The following FXYD2 variants were observed in gnomAD, a reference collection of about 807,000 sequenced individuals.
FXYD2 encodes the protein sodium/potassium-transporting ATPase subunit gamma.
In FXYD2, 8 loss-of-function variants were observed where a neutral mutation model predicts 11.8. The observed-to-expected ratio is 0.68, with a 90% CI of 0.40 to 1.22. The LOEUF is 1.22. Ranked by LOEUF, FXYD2 falls within the 50% of genes most tolerant of loss-of-function variation. The pLI, the probability that FXYD2 is intolerant of heterozygous loss-of-function variation, is 0.01. For synonymous variants in FXYD2, 42 were observed against 33.3 expected (o/e 1.26, Z -0.90); for missense variants, 92 against 91.8 (o/e 1.00, Z -0.01).
At chr11:117,821,650 A>C in intron 3 of FXYD2, 1 of 977,566 alleles carries the variant, frequency 1.0e-6, no homozygotes, top group African/African-American at 1.7e-5. Flanking sequence ...GCAACATGTG[A>C]AAATGGGGAG....
chr11:117,820,663 T>C lies in FXYD2; in HGVS notation c.*6+3A>G. 6.2e-7 allele frequency: 1 copy of C among 1,613,890 alleles called. No homozygotes were observed. Among genetic ancestry groups the C allele is most frequent in the African/African-American group, 1.3e-5 (1 of 75,004 alleles). On this transcript the variant is annotated splice_donor_region_variant and intron_variant, in intron 5 of 5. Coordinates refer to ENST00000292079, the MANE Select transcript of FXYD2 (RefSeq NM_001680.5). ...GCACCTTCCCCAGGCCCTCCTAGCA[T>C]ACCTGCTGTTACGGCTCATCTTCAT...
chr11:117,822,352 T>G lies in FXYD2; in HGVS notation c.139+54A>C, dbSNP rs778291921. The G allele has an allele frequency of 1.3e-6, 2 of 1,550,330 alleles. No homozygotes were observed. The highest frequency in any genetic ancestry group is 1.7e-6 in the Non-Finnish European group (2 of 1,146,950). On this transcript the variant is annotated intron_variant, in intron 3 of 5. Transcript: ENST00000292079. The surrounding 1 kb of genome is among the most constrained non-coding windows in gnomAD (Gnocchi z 4.7). ...CGAAAGCCAGCCTGCTCAGCGGCCTTGAGAAGAGAGGTGCCCTGGTCAGCA... is the reference window on the plus strand; with the variant it reads ...CGAAAGCCAGCCTGCTCAGCGGCCTGGAGAAGAGAGGTGCCCTGGTCAGCA...
upstream of FXYD2, among the ~76,000 whole-genome samples, chr11:117,826,766 GTCTGTCTGTCTGTCTA>G (rs1452414119): frequency 2.2e-4 from 24 of 107,174 alleles, no homozygotes; most frequent in South Asian, 1.5e-3. Context: ...CTGTCTGTCT[GTCTGTCTGTCTGTCTA>G]TCTATCTATC....
chr11:117,822,493 AG>A lies in FXYD2; in HGVS notation c.65-14del. On this transcript the variant is annotated splice_polypyrimidine_tract_variant and intron_variant, in intron 2 of 5. Coordinates refer to ENST00000292079, the MANE Select transcript of FXYD2 (RefSeq NM_001680.5). This position sits in a 1 kb window ranked among gnomAD's most constrained non-coding sequence, Gnocchi z 4.7. Reference sequence around the variant, plus strand: ...ACGGTCTCATAGTCTCCGGAAAGAGAGGGCAAGAGGAGCGGGATGGGTGGTC... The same window carrying A: ...ACGGTCTCATAGTCTCCGGAAAGAGAGGCAAGAGGAGCGGGATGGGTGGTC... 1 of 1,558,832 alleles carries A rather than the reference AG, an allele frequency of 6.4e-7. No individual in the cohort carries two copies. Among genetic ancestry groups the A allele is most frequent in the Non-Finnish European group, 8.7e-7 (1 of 1,150,580 alleles).
Position 117,824,478 on chromosome 11 carries a change from C to T in FXYD2, c.25+176G>A, listed in dbSNP as rs1591536437. 1.0e-5 allele frequency: 7 copies of T among 674,890 alleles called. No homozygotes were observed. The East Asian group carries it at 1.9e-4, about 18-fold the overall frequency. 41.8% of individuals were successfully genotyped at this position (674,890 alleles called of 1,614,324 possible). On this transcript the variant is annotated intron_variant, in intron 1 of 5. Coordinates refer to ENST00000292079, the MANE Select transcript of FXYD2 (RefSeq NM_001680.5). This position sits in a 1 kb window ranked among gnomAD's most constrained non-coding sequence, Gnocchi z 4.0. ...CTTTCTTTGGGGTTAAAGCAGGGTC[C>T]TCCTTTAAGTTGCAAATTTTCTTAG...
chr11:117,820,422 G>A, intron 5 of FXYD2, 50 bp from the exon 6 acceptor site: 1 of 577,128 alleles, frequency 1.7e-6, no homozygotes, highest in Non-Finnish European at 3.0e-6. Flanking sequence ...GCAGAGGTTG[G>A]GGTTTTACTT....
upstream of FXYD2, among the ~76,000 whole-genome samples, chr11:117,825,626 G>C (rs554674583): frequency 1.8e-4 from 28 of 152,296 alleles, no homozygotes; most frequent in East Asian, 3.9e-4. Context: ...CAGCCAGTGT[G>C]GGGGAAGTGG....
In FXYD2 at chr11:117,824,497, T is replaced by G. The variant is rs2055991994; in HGVS notation, c.25+157A>C. 1 of 704,544 alleles carries G rather than the reference T, an allele frequency of 1.4e-6. No individual in the cohort carries two copies. The highest frequency in any genetic ancestry group is 1.8e-5 in the African/African-American group (1 of 57,034). 43.6% of individuals were successfully genotyped at this position (704,544 alleles called of 1,614,324 possible). ...AGGGTCCTCCTTTAAGTTGCAAATTTTCTTAGAGAGGAGGCCGACAGGAAG... is the reference window on the plus strand; with the variant it reads ...AGGGTCCTCCTTTAAGTTGCAAATTGTCTTAGAGAGGAGGCCGACAGGAAG... On this transcript the variant is annotated intron_variant, in intron 1 of 5. Transcript: ENST00000292079. The surrounding 1 kb of genome is among the most constrained non-coding windows in gnomAD (Gnocchi z 4.0).
chr11:117,821,583 C>T (rs2055905116), intron 3 of FXYD2: 2 of 985,946 alleles, frequency 2.0e-6, no homozygotes, highest in Non-Finnish European at 2.4e-6. Flanking sequence ...GGCCACCTGC[C>T]TCCTGTGCCT....
chr11:117,824,596 G>T lies in FXYD2; in HGVS notation c.25+58C>A. On this transcript the variant is annotated intron_variant, in intron 1 of 5. Transcript: ENST00000292079. The surrounding 1 kb of genome is among the most constrained non-coding windows in gnomAD (Gnocchi z 4.0). ...GGGTCCAGCTGACCCCACAAAGGCA[G>T]GCCAATCAGAGCCACCCAGCATTGC... is the stretch of plus-strand genomic sequence containing the variant. The T allele has an allele frequency of 7.0e-7, 1 of 1,427,626 alleles. No individual in the cohort carries two copies. The highest frequency in any genetic ancestry group is 9.9e-7 in the Non-Finnish European group (1 of 1,010,662). 88.4% of individuals were successfully genotyped at this position (1,427,626 alleles called of 1,614,324 possible).
chr11:117,823,141 G>A (rs981059321), intron 1 of FXYD2, among the ~76,000 whole-genome samples: 2 of 152,182 alleles, frequency 1.3e-5, no homozygotes, highest in Non-Finnish European at 2.9e-5. Flanking sequence ...GAACCTTAAA[G>A]TTTATCAGAC....
chr11:117,823,166 G>A (rs1380992199), intron 1 of FXYD2, among the ~76,000 whole-genome samples: 4 of 152,200 alleles, frequency 2.6e-5, no homozygotes, highest in African/African-American at 9.7e-5. Flanking sequence ...GGAGGAAGCC[G>A]AGCCCAATGT....
chr11:117,821,242 G>A, intron 3 of FXYD2: 1 of 660,822 alleles, frequency 1.5e-6, no homozygotes, highest in Non-Finnish European at 1.9e-6. Context: ...ATTTTTTTTT[G>A]TATAGATCGG....
Position 117,824,210 on chromosome 11 carries a change from G to A in FXYD2, c.25+444C>T. The A allele has an allele frequency of 4.3e-6, 1 of 232,358 alleles. No homozygotes were observed. The highest frequency in any genetic ancestry group is 8.7e-6 in the Non-Finnish European group (1 of 115,182). 14.4% of individuals were successfully genotyped at this position (232,358 alleles called of 1,614,324 possible). On this transcript the variant is annotated intron_variant, in intron 1 of 5. Coordinates refer to ENST00000292079, the MANE Select transcript of FXYD2 (RefSeq NM_001680.5). The surrounding 1 kb of genome is among the most constrained non-coding windows in gnomAD (Gnocchi z 4.0). ...GGTTTCCAGGCCTGAGTCAGTTCCT[G>A]TGACAGGAAGCCTTTGGAGAGTGTG...
upstream of FXYD2, among the ~76,000 whole-genome samples, chr11:117,826,823 T>C (rs2056049546): frequency 7.1e-6 from 1 of 141,732 alleles, no homozygotes; most frequent in Non-Finnish European, 1.6e-5. Flanking sequence ...TATCTATCTA[T>C]CTGTCTATCT....
upstream of FXYD2, chr11:117,827,912 T>C: frequency 2.2e-6 from 2 of 927,764 alleles, no homozygotes; most frequent in South Asian, 2.8e-5. Flanking sequence ...TCTGGGGAGC[T>C]TGTGGGTGCA....
At chr11:117,823,734 G>A (rs2055969665) in intron 1 of FXYD2, among the ~76,000 whole-genome samples, 1 of 152,250 alleles carries the variant, frequency 6.6e-6, no homozygotes, top group Admixed American at 6.5e-5. Flanking sequence ...GGGAAGTGGA[G>A]CCCGAGGAGG....
upstream of FXYD2, among the ~76,000 whole-genome samples, chr11:117,827,578 G>A (rs773716030): frequency 6.6e-6 from 1 of 152,204 alleles, no homozygotes; most frequent in Non-Finnish European, 1.5e-5. Context: ...ATCACAATGA[G>A]TTTTAGAAGG....
rs2055998105 is a variant in FXYD2 at position 117,824,719 on chromosome 11, CT to C, written c.-42del. ...GGCTGCCTCCACTCCCCTCTTCCTG[CT>C]GTCTCTGCTTTTTGGAGAGTGTCTG... On this transcript the variant is annotated 5_prime_UTR_variant, in exon 1 of 6. Coordinates refer to ENST00000292079, the MANE Select transcript of FXYD2 (RefSeq NM_001680.5). This position sits in a 1 kb window ranked among gnomAD's most constrained non-coding sequence, Gnocchi z 4.0. 6.2e-7 allele frequency: 1 copy of C among 1,612,256 alleles called. No homozygotes were observed. Among genetic ancestry groups the C allele is most frequent in the South Asian group, 1.1e-5 (1 of 90,646 alleles).
Sources: gnomAD v4.1 joint callset for allele counts (sites outside exome capture counted in the v4.1 genomes callset) on GRCh38, gnomAD v4.1.1 for gene constraint, Gnocchi (gnomAD v3.1) non-coding constraint, MANE v1.5 for transcripts, NCBI Gene and HGNC (gene_info 2026-07-23, HGNC 2026-07-21) for gene names.